Variants in OSBPL3 observed in about 807,000 individuals in gnomAD.
OSBPL3 encodes the protein oxysterol-binding protein-related protein 3.
A neutral mutation model predicts 120.1 loss-of-function variants in OSBPL3; 65 were observed. That is an observed-to-expected ratio of 0.54 (90% CI 0.44 to 0.67). OSBPL3 has a LOEUF of 0.67. Among genes scored for constraint, OSBPL3 ranks in the 30% least tolerant of loss-of-function variants. The pLI is 0.00. For missense variants in OSBPL3, 1,004 were observed against 1,082.1 expected (o/e 0.93, Z 1.01); for synonymous variants, 416 against 402.6 (o/e 1.03, Z -0.40).
rs749761146 is a variant in OSBPL3 at position 24,863,496 on chromosome 7, C to T, written c.777G>A (p.Gln259=). The change falls in exon 8 of 23, where the codon CAG becomes CAA. Residue 259 remains glutamine (Q), a splice_region_variant and synonymous_variant. Transcript: ENST00000313367. The surrounding 1 kb of genome is among the most constrained non-coding windows in gnomAD (Gnocchi z 5.8). ...TYSAPAINAI[Q]GGSFESPKKE... Reference sequence around the variant, plus strand: ...TCAACAGAAGAGGAGTCCGGCTCACCTGGATGGCGTTGATAGCTGGTGCCG... The same window carrying T: ...TCAACAGAAGAGGAGTCCGGCTCACTTGGATGGCGTTGATAGCTGGTGCCG... 1.9e-6 allele frequency: 3 copies of T among 1,611,386 alleles called. No homozygotes were observed. The highest frequency in any genetic ancestry group is 2.5e-6 in the Non-Finnish European group (3 of 1,177,528).
At position 24,835,769 on chromosome 7, in the gene OSBPL3, T is replaced by A. The variant is rs771857790; in HGVS notation, c.1496-1033A>T. Among the ~76,000 whole-genome samples the A allele has an allele frequency of 6.6e-5, 10 of 151,922 alleles. No homozygotes were observed. Among genetic ancestry groups the A allele is most frequent in the African/African-American group, 2.4e-5 (1 of 41,334 alleles). On this transcript the variant is annotated intron_variant, in intron 14 of 22. Transcript: ENST00000313367. The surrounding 1 kb of genome is among the most constrained non-coding windows in gnomAD (Gnocchi z 4.8). ...TGGGATCATAGCCTTTGCAGCAACA[T>A]AGATGGAGCTGGAGGCCGTTAACTA...
intron 1 of OSBPL3, among the ~76,000 whole-genome samples, chr7:24,975,370 T>TATA (rs1434026957): frequency 6.6e-6 from 1 of 152,268 alleles, no homozygotes; most frequent in Non-Finnish European, 1.5e-5. Context: ...CATATTCTAT[T>TATA]GCTTCATCAT....
At chr7:24,914,205 A>G (rs1809235528) in intron 1 of OSBPL3, among the ~76,000 whole-genome samples, 2 of 151,940 alleles carry the variant, frequency 1.3e-5, no homozygotes, top group African/African-American at 4.8e-5. Context: ...TAAGGCTGGA[A>G]TGAACCCCAC....
At position 24,879,277 on chromosome 7, in the gene OSBPL3, C is replaced by T. The variant is rs1024474461; in HGVS notation, c.97-7208G>A. On this transcript the variant is annotated intron_variant, in intron 2 of 22. Transcript: ENST00000313367. This position sits in a 1 kb window ranked among gnomAD's most constrained non-coding sequence, Gnocchi z 5.6. ...AGCAGCATTTGCATTAGCTCTATAA[C>T]CTCAAGTACAATCCCTGACTTTGGG... Among the ~76,000 whole-genome samples, 4 of 152,186 alleles carry T rather than the reference C, an allele frequency of 2.6e-5. No individual in the cohort carries two copies. Among genetic ancestry groups the T allele is most frequent in the Non-Finnish European group, 5.9e-5 (4 of 68,030 alleles).
Position 24,803,477 on chromosome 7 carries a change from T to C in OSBPL3, c.2567+838A>G, listed in dbSNP as rs372926845. On this transcript the variant is annotated intron_variant, in intron 22 of 22. Coordinates refer to ENST00000313367, the MANE Select transcript of OSBPL3 (RefSeq NM_015550.4). This position sits in a 1 kb window ranked among gnomAD's most constrained non-coding sequence, Gnocchi z 4.2. ...TGAAGGGTTGAAGATCTCTCATACC[T>C]CCTTTAAAAATTTATATCTATTGGC... Among the ~76,000 whole-genome samples the C allele has an allele frequency of 2.0e-5, 3 of 152,128 alleles. No homozygotes were observed. In the East Asian group the frequency reaches 5.8e-4, roughly 29 times the overall value.
Position 24,818,914 on chromosome 7 carries a change from C to T in OSBPL3, c.1948+1261G>A, listed in dbSNP as rs970930396. Among the ~76,000 whole-genome samples, 3 of 152,064 alleles carry T rather than the reference C, an allele frequency of 2.0e-5. No individual in the cohort carries two copies. Among genetic ancestry groups the T allele is most frequent in the Non-Finnish European group, 4.4e-5 (3 of 68,004 alleles). ...AGGCTGAGAAGGGAAGGATGTAACA[C>T]AGGAGCACACAAAACTACTTTGAGA... On this transcript the variant is annotated intron_variant, in intron 17 of 22. Transcript: ENST00000313367. This position sits in a 1 kb window ranked among gnomAD's most constrained non-coding sequence, Gnocchi z 4.0.
In OSBPL3 at chr7:24,967,066, A is replaced by C. The variant is rs187914153; in HGVS notation, c.-150+12820T>G. On this transcript the variant is annotated intron_variant, in intron 1 of 22. Transcript: ENST00000313367. The surrounding 1 kb of genome is among the most constrained non-coding windows in gnomAD (Gnocchi z 5.6). ...GCCATCACAATGCCTGTTTGCAGAC[A>C]CTCTAAATCTGTATTCACAGGTCAT... is the stretch of plus-strand genomic sequence containing the variant. 1.3e-5 allele frequency among the ~76,000 whole-genome samples: 2 copies of C among 152,236 alleles called. No individual in the cohort carries two copies. Among genetic ancestry groups the C allele is most frequent in the East Asian group, 3.9e-4 (2 of 5,172 alleles).
rs1392258504 is a variant in OSBPL3, at chr7:24,916,684, A to C, written c.-149-24063T>G. Among the ~76,000 whole-genome samples, 1 of 152,062 alleles carries C rather than the reference A, an allele frequency of 6.6e-6. No homozygotes were observed. Among genetic ancestry groups the C allele is most frequent in the Non-Finnish European group, 1.5e-5 (1 of 68,016 alleles). On this transcript the variant is annotated intron_variant, in intron 1 of 22. Coordinates refer to ENST00000313367, the MANE Select transcript of OSBPL3 (RefSeq NM_015550.4). The surrounding 1 kb of genome is among the most constrained non-coding windows in gnomAD (Gnocchi z 4.9). ...ATTATGTGCCATGCTCTAAGGTGAA[A>C]GAATCTGCCTAATATCATTCCTCCC...
rs771785743 is a variant in OSBPL3, at chr7:24,819,540, G to A, written c.1948+635C>T. Among the ~76,000 whole-genome samples, 7 of 151,744 alleles carry A rather than the reference G, an allele frequency of 4.6e-5. No homozygotes were observed. Among genetic ancestry groups the A allele is most frequent in the South Asian group, 2.1e-4 (1 of 4,808 alleles). On this transcript the variant is annotated intron_variant, in intron 17 of 22. Transcript: ENST00000313367. This position sits in a 1 kb window ranked among gnomAD's most constrained non-coding sequence, Gnocchi z 4.1. ...GTACTTTTAAAGTTTAATAGACTGC[G>A]TGTGTGTGTGTGCCTGTGTGTGTAA...
chr7:24,939,736 A>T lies in OSBPL3; in HGVS notation c.-150+40150T>A, dbSNP rs757139. Among the ~76,000 whole-genome samples, 9 of 152,010 alleles carry T rather than the reference A, an allele frequency of 5.9e-5. No homozygotes were observed. In the East Asian group the frequency reaches 1.4e-3, roughly 23 times the overall value. ...ACATTAACAGGCCAAAATGTCATCAAGAGGCCTTGGGAGACAGTGAAGATT... is the reference window on the plus strand; with the variant it reads ...ACATTAACAGGCCAAAATGTCATCATGAGGCCTTGGGAGACAGTGAAGATT... On this transcript the variant is annotated intron_variant, in intron 1 of 22. Transcript: ENST00000313367. This position sits in a 1 kb window ranked among gnomAD's most constrained non-coding sequence, Gnocchi z 4.2.
chr7:24,936,651 G>A lies in OSBPL3; in HGVS notation c.-150+43235C>T, dbSNP rs1342550643. On this transcript the variant is annotated intron_variant, in intron 1 of 22. Transcript: ENST00000313367. The surrounding 1 kb of genome is among the most constrained non-coding windows in gnomAD (Gnocchi z 4.2). ...GAAAATAGGGGAAAGAGTCACTCTA[G>A]TCACAGAGACTGCCTGCAGGCACAA... Among the ~76,000 whole-genome samples the A allele has an allele frequency of 6.6e-6, 1 of 152,218 alleles. No individual in the cohort carries two copies. Among genetic ancestry groups the A allele is most frequent in the Non-Finnish European group, 1.5e-5 (1 of 68,050 alleles).
At chr7:24,976,699 C>G (rs888180123) in intron 1 of OSBPL3, among the ~76,000 whole-genome samples, 5 of 152,248 alleles carry the variant, frequency 3.3e-5, no homozygotes, top group Non-Finnish European at 5.9e-5. Context: ...ACACCTCAAT[C>G]TCTTCCTCAG....
rs1297456490 is a variant in OSBPL3, at chr7:24,802,700, A to T, written c.2567+1615T>A. Among the ~76,000 whole-genome samples, 1 of 152,204 alleles carries T rather than the reference A, an allele frequency of 6.6e-6. No individual in the cohort carries two copies. The highest frequency in any genetic ancestry group is 1.9e-4 in the East Asian group (1 of 5,200). On this transcript the variant is annotated intron_variant, in intron 22 of 22. Coordinates refer to ENST00000313367, the MANE Select transcript of OSBPL3 (RefSeq NM_015550.4). This position sits in a 1 kb window ranked among gnomAD's most constrained non-coding sequence, Gnocchi z 4.1. Reference sequence around the variant, plus strand: ...CCTACCATTTTTAATGATCCTAAAAAGTACTGTAATGAACATCTTCATAAT... The same window carrying T: ...CCTACCATTTTTAATGATCCTAAAATGTACTGTAATGAACATCTTCATAAT...
chr7:24,951,139 G>A (rs1371217560), intron 1 of OSBPL3, among the ~76,000 whole-genome samples: 1 of 152,170 alleles, frequency 6.6e-6, no homozygotes, highest in Non-Finnish European at 1.5e-5. Flanking sequence ...GCATCAAGAG[G>A]ATGGAAAGTA....
In OSBPL3 at chr7:24,867,034, T is replaced by G. The variant is rs934201233; in HGVS notation, c.382-797A>C. ...CCAGGCTGGTCTCGAACTCCTGACCTGGTGATCTGCCCGCCTCGGCCTCCC... is the reference window on the plus strand; with the variant it reads ...CCAGGCTGGTCTCGAACTCCTGACCGGGTGATCTGCCCGCCTCGGCCTCCC... On this transcript the variant is annotated intron_variant, in intron 5 of 22. Transcript: ENST00000313367. This position sits in a 1 kb window ranked among gnomAD's most constrained non-coding sequence, Gnocchi z 4.5. Among the ~76,000 whole-genome samples, 4 of 152,174 alleles carry G rather than the reference T, an allele frequency of 2.6e-5. No homozygotes were observed. Among genetic ancestry groups the G allele is most frequent in the Non-Finnish European group, 5.9e-5 (4 of 68,028 alleles).
At chr7:24,837,378 A>G (rs1276460262) in intron 14 of OSBPL3, among the ~76,000 whole-genome samples, 1 of 151,722 alleles carries the variant, frequency 6.6e-6, no homozygotes, top group East Asian at 1.9e-4. Context: ...TAGTTTTTGT[A>G]TCTTTTTTAG....
At chr7:24,901,363 AAGAG>A (rs896394207) in intron 1 of OSBPL3, among the ~76,000 whole-genome samples, 7 of 150,794 alleles carry the variant, frequency 4.6e-5, no homozygotes, top group East Asian at 3.9e-4. Context: ...GAAAAAAAAA[AAGAG>A]AGAGAGAGTT....
chr7:24,892,358 T>G lies in OSBPL3; in HGVS notation c.96+19A>C, dbSNP rs771776257. The stretch of plus-strand genomic sequence containing the variant: ...TGGCTTACATTTGCATATTAAAATT[T>G]GCATGAGTTAAACTTTACCTGTCGA... On this transcript the variant is annotated intron_variant, in intron 2 of 22. Transcript: ENST00000313367. 8.1e-6 allele frequency: 13 copies of G among 1,608,742 alleles called. No individual in the cohort carries two copies. Among genetic ancestry groups the G allele is most frequent in the Non-Finnish European group, 1.0e-5 (12 of 1,175,610 alleles).
intron 16 of OSBPL3, among the ~76,000 whole-genome samples, chr7:24,825,221 T>C (rs964167620): frequency 6.6e-6 from 1 of 152,132 alleles, no homozygotes; most frequent in African/African-American, 2.4e-5. Flanking sequence ...ATCCCAGTCA[T>C]TGATTTTAGT....
Sources: gnomAD v4.1 joint callset for allele counts (sites outside exome capture counted in the v4.1 genomes callset) on GRCh38, gnomAD v4.1.1 for gene constraint, Gnocchi (gnomAD v3.1) non-coding constraint, MANE v1.5 for transcripts, NCBI Gene and HGNC (gene_info 2026-07-23, HGNC 2026-07-21) for gene names.